Variants in RSPO4 observed in about 807,000 individuals in gnomAD.
RSPO4 encodes R-spondin-4.
A neutral mutation model predicts 24.8 loss-of-function variants in RSPO4; 23 were observed. The observed-to-expected ratio is 0.93, with a 90% confidence interval of 0.67 to 1.31. RSPO4 has a LOEUF of 1.31. RSPO4 is among the 40% of genes most tolerant of loss of function. RSPO4 has a pLI of 0.00. For missense variants in RSPO4, 333 were observed against 316.5 expected (o/e 1.05, Z -0.39); for synonymous variants, 141 against 127.4 (o/e 1.11, Z -0.72).
intron 1 of RSPO4, among the ~76,000 whole-genome samples, chr20:1,001,735 C>T (rs1440987720): frequency 6.6e-6 from 1 of 152,172 alleles, no homozygotes; most frequent in Non-Finnish European, 1.5e-5. Context: ...GCTTCTACGC[C>T]ACTGAGTCTG....
intron 3 of RSPO4, among the ~76,000 whole-genome samples, chr20:965,725 T>C (rs1250483859): frequency 1.3e-5 from 2 of 152,116 alleles, no homozygotes; most frequent in Admixed American, 6.5e-5. Flanking sequence ...GGGAGCTTCG[T>C]GCTGCTTCAT....
In RSPO4 at chr20:970,873, G is replaced by C. The variant is rs1984385390; in HGVS notation, c.80-2735C>G. Among the ~76,000 whole-genome samples, 1 of 152,078 alleles carries C rather than the reference G, an allele frequency of 6.6e-6. No homozygotes were observed. On this transcript the variant is annotated intron_variant, in intron 1 of 4. Coordinates refer to ENST00000217260, the MANE Select transcript of RSPO4 (RefSeq NM_001029871.4). This position sits in a 1 kb window ranked among gnomAD's most constrained non-coding sequence, Gnocchi z 4.1. ...TTTTGTTTTGTTAAGACAGGATCTT[G>C]CTCTGTCACCCAGGCTCCAGTGCAG...
At chr20:990,838 A>G (rs577217217) in intron 1 of RSPO4, among the ~76,000 whole-genome samples, 60 of 152,338 alleles carry the variant, frequency 3.9e-4, no homozygotes, top group African/African-American at 1.3e-3. Flanking sequence ...TACTACCTCC[A>G]TCAGAGTAGG....
At chr20:971,625 T>C (rs1419435774) in intron 1 of RSPO4, among the ~76,000 whole-genome samples, 1 of 152,146 alleles carries the variant, frequency 6.6e-6, no homozygotes. Flanking sequence ...CGATGAATCA[T>C]ATAGTAAGAG....
Position 960,421 on chromosome 20 carries a change from C to G in RSPO4, c.641G>C (p.Arg214Pro), listed in dbSNP as rs377200892. 6.5e-7 allele frequency: 1 copy of G among 1,539,614 alleles called. No homozygotes were observed. The highest frequency in any genetic ancestry group is 2.0e-5 in the Admixed American group (1 of 51,184). Residue 214 changes from arginine (R) to proline (P), a missense_variant, in exon 5 of 5, where the codon CGC becomes CCC. Arg to Pro is a moderately radical substitution (Grantham distance 103). Transcript: ENST00000217260. Reference protein sequence around the residue: ...QKKGRKDRRPRKDRKLDRRLD... With the variant: ...QKKGRKDRRPPKDRKLDRRLD... ...CCTGCGGTCCAGCTTCCTGTCCTTGCGTGGGCGCCGGTCCTTCCTGCCCTT... is the reference window on the plus strand; with the variant it reads ...CCTGCGGTCCAGCTTCCTGTCCTTGGGTGGGCGCCGGTCCTTCCTGCCCTT...
At position 960,056 on chromosome 20, in the gene RSPO4, G is replaced by A. The variant is rs1457378590; in HGVS notation, c.*301C>T. On this transcript the variant is annotated 3_prime_UTR_variant, in exon 5 of 5. Coordinates refer to ENST00000217260, the MANE Select transcript of RSPO4 (RefSeq NM_001029871.4). Reference sequence around the variant, plus strand: ...GGAGGGAGAGAGAGAAGGATGCGGTGAAGGACAGGAAGAAACACAGGAAGA... The same window carrying A: ...GGAGGGAGAGAGAGAAGGATGCGGTAAAGGACAGGAAGAAACACAGGAAGA... 2.1e-6 allele frequency: 1 copy of A among 467,006 alleles called. No individual in the cohort carries two copies. The highest frequency in any genetic ancestry group is 3.9e-6 in the Non-Finnish European group (1 of 257,916). 28.9% of individuals were successfully genotyped at this position (467,006 alleles called of 1,614,324 possible).
chr20:972,071 A>C (rs1176274573), intron 1 of RSPO4, among the ~76,000 whole-genome samples: 1 of 151,956 alleles, frequency 6.6e-6, no homozygotes, highest in Non-Finnish European at 1.5e-5. Context: ...CCTGATTTTT[A>C]TTTTATTTTT....
At chr20:980,165 G>A (rs765940572) in intron 1 of RSPO4, among the ~76,000 whole-genome samples, 1 of 152,158 alleles carries the variant, frequency 6.6e-6, no homozygotes, top group Non-Finnish European at 1.5e-5. Flanking sequence ...CTGCTTGCCC[G>A]AGGTCACTTA....
At position 958,538 on chromosome 20, in the gene RSPO4, C is replaced by T. The variant is rs1983866489; in HGVS notation, c.*1819G>A. On this transcript the variant is annotated 3_prime_UTR_variant, in exon 5 of 5. Coordinates refer to ENST00000217260, the MANE Select transcript of RSPO4 (RefSeq NM_001029871.4). ...ATAACAACGGAGCATTTCAGAGGCACAAACGTTTGCAGAAGAGAAGCTGGT... is the reference window on the plus strand; with the variant it reads ...ATAACAACGGAGCATTTCAGAGGCATAAACGTTTGCAGAAGAGAAGCTGGT... The T allele has an allele frequency of 1.3e-5, 2 of 151,546 alleles. No homozygotes were observed. Among genetic ancestry groups the T allele is most frequent in the Middle Eastern group, 3.4e-3 (1 of 294 alleles). 9.4% of individuals were successfully genotyped at this position (151,546 alleles called of 1,614,324 possible).
chr20:960,558 C>T, intron 4 of RSPO4, 92 bp from the exon 5 acceptor site: 1 of 897,228 alleles, frequency 1.1e-6, no homozygotes, highest in Non-Finnish European at 1.8e-6. Flanking sequence ...GGGTGCCCCA[C>T]CCACTCCCCA....
rs912167060 is a variant in RSPO4 at position 994,045 on chromosome 20, T to A, written c.79+8041A>T. On this transcript the variant is annotated intron_variant, in intron 1 of 4. Coordinates refer to ENST00000217260, the MANE Select transcript of RSPO4 (RefSeq NM_001029871.4). ...CCACTGCACAGGTTTATTAAGGTAATTTAATCAATTAATACATACAAAGTA... is the reference window on the plus strand; with the variant it reads ...CCACTGCACAGGTTTATTAAGGTAAATTAATCAATTAATACATACAAAGTA... Among the ~76,000 whole-genome samples the A allele has an allele frequency of 9.2e-5, 14 of 152,276 alleles. 1 individual carries two copies. Among genetic ancestry groups the A allele is most frequent in the Admixed American group, 8.5e-4 (13 of 15,302 alleles).
chr20:1,002,302 C>A lies in RSPO4; in HGVS notation c.-138G>T. 3.4e-6 allele frequency: 1 copy of A among 295,940 alleles called. No individual in the cohort carries two copies. The highest frequency in any genetic ancestry group is 5.4e-6 in the Non-Finnish European group (1 of 185,984). 18.3% of individuals were successfully genotyped at this position (295,940 alleles called of 1,614,324 possible). A position where few individuals can be genotyped will look rare whatever the true frequency, so the allele number is the denominator to read the frequency against. ...TCCGCCAGGCGCGGGTCGGTCCGGC[C>A]GCCAGGTCTAGTGAGGGCGTTGGCG... On this transcript the variant is annotated 5_prime_UTR_variant, in exon 1 of 5. Coordinates refer to ENST00000217260, the MANE Select transcript of RSPO4 (RefSeq NM_001029871.4). This position sits in a 1 kb window ranked among gnomAD's most constrained non-coding sequence, Gnocchi z 4.6.
At position 1,002,141 on chromosome 20, in the gene RSPO4, G is replaced by A. The variant is rs948763575; in HGVS notation, c.24C>T (p.Leu8=). ...TGTCCACGGCGTGGGCGACGAGCAGGAGCAGGCAGAGTGGCGCCCGCATCT... is the reference window on the plus strand; with the variant it reads ...TGTCCACGGCGTGGGCGACGAGCAGAAGCAGGCAGAGTGGCGCCCGCATCT... The part of the protein sequence containing the change: MRAPLCL[L]LLVAHAVDML... The change falls in exon 1 of 5, where the codon CTC becomes CTT. Residue 8 remains leucine (L), a synonymous_variant. Transcript: ENST00000217260. The surrounding 1 kb of genome is among the most constrained non-coding windows in gnomAD (Gnocchi z 4.6). The A allele has an allele frequency of 5.1e-6, 8 of 1,561,906 alleles. No individual in the cohort carries two copies. Among genetic ancestry groups the A allele is most frequent in the Non-Finnish European group, 6.1e-6 (7 of 1,153,148 alleles).
At chr20:963,845 T>C (rs1196264662) in intron 4 of RSPO4, 90 bp downstream of exon 4, 22 of 1,328,556 alleles carry the variant, frequency 1.7e-5, no homozygotes, top group Admixed American at 5.0e-5. Flanking sequence ...GGCAGTCTCA[T>C]AGATACTATT....
At chr20:990,260 CTGTT>C (rs1985054598) in intron 1 of RSPO4, among the ~76,000 whole-genome samples, 1 of 152,150 alleles carries the variant, frequency 6.6e-6, no homozygotes, top group African/African-American at 2.4e-5. Flanking sequence ...GGACCCTAAA[CTGTT>C]TGTGGGGGCA....
chr20:993,300 C>T (rs192327745), intron 1 of RSPO4, among the ~76,000 whole-genome samples: 3 of 152,360 alleles, frequency 2.0e-5, no homozygotes, highest in East Asian at 1.9e-4. Context: ...CAGGCAGTGG[C>T]GGCCCAGCAT....
rs1192202134 is a variant in RSPO4 at position 986,133 on chromosome 20, T to C, written c.79+15953A>G. On this transcript the variant is annotated intron_variant, in intron 1 of 4. Coordinates refer to ENST00000217260, the MANE Select transcript of RSPO4 (RefSeq NM_001029871.4). ...AGTGGGGATGGGGTAGTGAGGAAGC[T>C]AGGGTGATCTGAAGAGGTCAAGCTC... Among the ~76,000 whole-genome samples, 9 of 152,210 alleles carry C rather than the reference T, an allele frequency of 5.9e-5. No homozygotes were observed. The East Asian group carries it at 1.7e-3, about 29-fold the overall frequency.
In RSPO4 at chr20:968,057, A is replaced by T. The variant is rs764084804; in HGVS notation, c.161T>A (p.Leu54His). The stretch of plus-strand genomic sequence containing the variant: ...GCCTTCCCGGCGGATGAACAGGAAG[A>T]GCCTCTGCTGGCAGGTGGAACAGCC... ...ENGCSTCQQRLFLFIRREGIR... is the reference protein window; with the variant it reads ...ENGCSTCQQRHFLFIRREGIR... The change falls in exon 2 of 5, where the codon CTC (leucine) becomes CAC (histidine). Residue 54 changes from leucine to histidine, a missense_variant. Coordinates refer to ENST00000217260, the MANE Select transcript of RSPO4 (RefSeq NM_001029871.4). 9 of 1,614,088 alleles carry T rather than the reference A, an allele frequency of 5.6e-6. No individual in the cohort carries two copies. In the East Asian group the frequency reaches 2.0e-4, roughly 36 times the overall value.
chr20:968,961 C>A lies in RSPO4; in HGVS notation c.80-823G>T, dbSNP rs1481454629. Among the ~76,000 whole-genome samples, 8 of 152,190 alleles carry A rather than the reference C, an allele frequency of 5.3e-5. No individual in the cohort carries two copies. In the South Asian group the frequency reaches 1.4e-3, roughly 28 times the overall value. On this transcript the variant is annotated intron_variant, in intron 1 of 4. Coordinates refer to ENST00000217260, the MANE Select transcript of RSPO4 (RefSeq NM_001029871.4). ...TCATAAGGAGTCTCTGTTACCCTGA[C>A]CATCACCCCAGGACCCTGATTAAGC...
Sources: gnomAD v4.1 joint callset for allele counts (sites outside exome capture counted in the v4.1 genomes callset) on GRCh38, gnomAD v4.1.1 for gene constraint, Gnocchi (gnomAD v3.1) non-coding constraint, MANE v1.5 for transcripts, NCBI Gene and HGNC (gene_info 2026-07-23, HGNC 2026-07-21) for gene names.